CDCP1: variants seen among roughly 807,000 people sequenced by gnomAD.
CDCP1 encodes the protein CUB domain containing protein 1, also known as CUB domain-containing protein 1.
CDCP1 carries 29 observed loss-of-function variants against 60.2 expected under a neutral mutation model. That is an observed-to-expected ratio of 0.48 (90% CI 0.36 to 0.66). The LOEUF is 0.66. Among genes scored for constraint, CDCP1 ranks in the 30% least tolerant of loss-of-function variants. The pLI is 0.00. For synonymous variants in CDCP1, 387 were observed against 431.1 expected, an observed-to-expected ratio of 0.90 and a Z score of 1.27; for missense variants, 876 against 1,074.3, an observed-to-expected ratio of 0.82 and a Z score of 2.58.
chr3:45,105,695 A>C (rs1162905514), intron 4 of CDCP1, among the ~76,000 whole-genome samples: 1 of 152,240 alleles, frequency 6.6e-6, no homozygotes, highest in Non-Finnish European at 1.5e-5. Context: ...GATGGGTAGA[A>C]TATAATATAG....
intron 4 of CDCP1, among the ~76,000 whole-genome samples, chr3:45,107,847 T>G (rs1410290183): frequency 6.6e-6 from 1 of 152,086 alleles, no homozygotes; most frequent in African/African-American, 2.4e-5. Flanking sequence ...CTGGGAGTGG[T>G]GGCTCACACC....
At chr3:45,134,933 T>C (rs1170942984) in intron 1 of CDCP1, among the ~76,000 whole-genome samples, 4 of 152,172 alleles carry the variant, frequency 2.6e-5, no homozygotes, top group Non-Finnish European at 4.4e-5. Context: ...GTTATGTCAA[T>C]GAGGAAGGCC....
intron 4 of CDCP1, among the ~76,000 whole-genome samples, chr3:45,103,523 C>T (rs951133978): frequency 1.3e-5 from 2 of 152,172 alleles, no homozygotes; most frequent in African/African-American, 4.8e-5. Flanking sequence ...AAGCACTATG[C>T]TTTGAATATA....
At chr3:45,112,688 G>A (rs1698721052) in intron 2 of CDCP1, among the ~76,000 whole-genome samples, 1 of 152,240 alleles carries the variant, frequency 6.6e-6, no homozygotes, top group Admixed American at 6.5e-5. Context: ...AAGCCTGAGA[G>A]GTGTTGCAGC....
intron 4 of CDCP1, among the ~76,000 whole-genome samples, chr3:45,109,485 C>G (rs889607893): frequency 1.3e-5 from 2 of 152,278 alleles, no homozygotes; most frequent in East Asian, 3.9e-4. Context: ...GCCCTCTGAA[C>G]AGCGTCCATC....
intron 4 of CDCP1, among the ~76,000 whole-genome samples, chr3:45,109,750 T>C (rs1465324322): frequency 1.3e-5 from 2 of 151,966 alleles, no homozygotes; most frequent in East Asian, 1.9e-4. Context: ...TACCTCCTTA[T>C]ATATTGCACC....
intron 1 of CDCP1, among the ~76,000 whole-genome samples, chr3:45,123,533 T>C (rs1576109833): frequency 6.6e-6 from 1 of 152,248 alleles, no homozygotes; most frequent in African/African-American, 2.4e-5. Flanking sequence ...TTTTTAATGA[T>C]CCCCCTCATC....
At chr3:45,113,442 A>G (rs1456142968) in intron 2 of CDCP1, among the ~76,000 whole-genome samples, 2 of 152,228 alleles carry the variant, frequency 1.3e-5, no homozygotes, top group Non-Finnish European at 2.9e-5. Context: ...GCAATGTAAC[A>G]TTAAGGTTTT....
At chr3:45,130,052 G>GAC (rs373253002) in intron 1 of CDCP1, among the ~76,000 whole-genome samples, 56 of 150,940 alleles carry the variant, frequency 3.7e-4, no homozygotes, top group South Asian at 1.1e-3. Context: ...CACACAATAT[G>GAC]ACACACACAC....
Position 45,108,842 on chromosome 3 carries a change from T to C in CDCP1, c.1024+1631A>G, listed in dbSNP as rs1277741123. 4.5e-5 allele frequency among the ~76,000 whole-genome samples: 3 copies of C among 67,204 alleles called. 1 individual carries two copies. Among genetic ancestry groups the C allele is most frequent in the Admixed American group, 3.3e-4 (2 of 5,974 alleles). 44.1% of individuals were successfully genotyped at this position (67,204 alleles called of 152,430 possible). A position where few individuals can be genotyped will look rare whatever the true frequency, so the allele number is the denominator to read the frequency against. On this transcript the variant is annotated intron_variant, in intron 4 of 8. Transcript: ENST00000296129. ...ATATATATGCATGTATATATATATA[T>C]GCATGTATACATATATATGCATGTA... is the stretch of plus-strand genomic sequence containing the variant.
intron 1 of CDCP1, among the ~76,000 whole-genome samples, chr3:45,126,173 TCC>T (rs1698992969): frequency 1.5e-5 from 2 of 137,204 alleles, no homozygotes; most frequent in African/African-American, 5.7e-5. Flanking sequence ...TTTCTTTCTT[TCC>T]TTCTTTCTCT....
chr3:45,091,089 T>C lies in CDCP1; in HGVS notation c.1993+84A>G, dbSNP rs1245718657. 3 of 1,464,552 alleles carry C rather than the reference T, an allele frequency of 2.0e-6. No individual in the cohort carries two copies. Among genetic ancestry groups the C allele is most frequent in the Non-Finnish European group, 2.8e-6 (3 of 1,083,774 alleles). 90.7% of individuals were successfully genotyped at this position (1,464,552 alleles called of 1,614,324 possible). A position where few individuals can be genotyped will look rare whatever the true frequency, so the allele number is the denominator to read the frequency against. On this transcript the variant is annotated intron_variant, in intron 7 of 8. Coordinates refer to ENST00000296129, the MANE Select transcript of CDCP1 (RefSeq NM_022842.5). The surrounding 1 kb of genome is among the most constrained non-coding windows in gnomAD (Gnocchi z 4.8). ...ACAGTCAGGACTCAATCTGTGATTC[T>C]GACTTGTCTCCAGGCTTGCTCTCTA...
At chr3:45,126,146 CTT>C (rs1698986793) in intron 1 of CDCP1, among the ~76,000 whole-genome samples, 2 of 142,220 alleles carry the variant, frequency 1.4e-5, no homozygotes, top group African/African-American at 2.7e-5. Context: ...TTCTTTCTTT[CTT>C]TCTTTCTTTC....
chr3:45,105,915 T>A (rs142170844), intron 4 of CDCP1, among the ~76,000 whole-genome samples: 4 of 152,174 alleles, frequency 2.6e-5, no homozygotes, highest in Non-Finnish European at 4.4e-5. Flanking sequence ...GAGGTGAACA[T>A]GAACTGAGCT....
chr3:45,118,314 C>A (rs1264813126), intron 2 of CDCP1, 98 bp downstream of exon 2: 1 of 909,408 alleles, frequency 1.1e-6, no homozygotes, highest in Non-Finnish European at 1.8e-6. Context: ...GATCTTAGCT[C>A]TCTAGCATTA....
At chr3:45,146,015 G>T (rs953775085) in intron 1 of CDCP1, among the ~76,000 whole-genome samples, 191 bp downstream of exon 1, 1 of 151,976 alleles carries the variant, frequency 6.6e-6, no homozygotes, top group Non-Finnish European at 1.5e-5. Flanking sequence ...CGCCCGACGC[G>T]GCGCGCGCAG....
rs555781059 is a variant in CDCP1 at position 45,108,681 on chromosome 3, C to CTA, written c.1024+1790_1024+1791dup. 1.8e-3 allele frequency among the ~76,000 whole-genome samples: 251 copies of CTA among 138,728 alleles called. 10 individuals carry two copies. Among genetic ancestry groups the CTA allele is most frequent in the Admixed American group, 0.015 (202 of 13,518 alleles). The allele number at this position is 138,728 out of a possible 152,430, so 91.0% of individuals were successfully genotyped here. A position where few individuals can be genotyped will look rare whatever the true frequency, so the allele number is the denominator to read the frequency against. On this transcript the variant is annotated intron_variant, in intron 4 of 8. Transcript: ENST00000296129. Reference sequence around the variant, plus strand: ...CTCAATGGATACACACACACACACACTATATATATATGTGCATGTATACAT... The same window carrying CTA: ...CTCAATGGATACACACACACACACACTATATATATATATGTGCATGTATACAT...
rs564538897 is a variant in CDCP1 at position 45,091,386 on chromosome 3, G to A, written c.1780C>T (p.Arg594Trp). The A allele has an allele frequency of 1.5e-5, 25 of 1,613,936 alleles. No individual in the cohort carries two copies. The highest frequency in any genetic ancestry group is 7.7e-5 in the South Asian group (7 of 91,060). Residue 594 changes from arginine (R) to tryptophan (W), a missense_variant, in exon 7 of 9, where the codon CGG becomes TGG. By Grantham distance (101) the Arg-to-Trp change is moderately radical (BLOSUM62 -3). This residue lies in a region of CDCP1 where 726 missense variants were observed against 935.7 expected (regional missense o/e 0.78). Transcript: ENST00000296129. This position sits in a 1 kb window ranked among gnomAD's most constrained non-coding sequence, Gnocchi z 4.8. ...QVACLTFFKE[R>W]SGVVCQTGRA... ...CCTGTCTGGCAGACCACGCCGCTCC[G>A]CTCCTTAAAGAAAGTCAGGCAGGCC...
chr3:45,095,295 G>T, intron 5 of CDCP1, 52 bp downstream of exon 5: 1 of 1,536,226 alleles, frequency 6.5e-7, no homozygotes, highest in East Asian at 2.3e-5. Context: ...GCAAGGCGGG[G>T]AGAGAAGAGC....
Sources: allele counts gnomAD v4.1 joint callset (sites outside exome capture counted in the v4.1 genomes callset), GRCh38; gene constraint gnomAD v4.1.1; regional missense constraint gnomAD v4.1.1; non-coding constraint Gnocchi (gnomAD v3.1); transcripts MANE v1.5; gene names NCBI Gene and HGNC (gene_info 2026-07-23, HGNC 2026-07-21).